The following TMEM132D variants were observed in gnomAD, a reference collection of about 807,000 sequenced individuals.
The protein encoded by TMEM132D is transmembrane protein 132D.
Under a neutral mutation model 62.3 loss-of-function variants are expected in TMEM132D, and 21 were observed. The ratio of observed to expected loss-of-function variants is 0.34; its 90% CI spans 0.24 to 0.49. The LOEUF (loss-of-function observed/expected upper bound fraction) is 0.49. Among genes scored for constraint, TMEM132D ranks in the 20% least tolerant of loss-of-function variants. TMEM132D has a pLI of 0.99. For missense variants in TMEM132D, 1,346 were observed against 1,402.8 expected (o/e 0.96, Z 0.65); for synonymous variants, 621 against 575.6 (o/e 1.08, Z -1.13).
intron 4 of TMEM132D, among the ~76,000 whole-genome samples, chr12:129,267,702 C>CA (rs201463947): frequency 2.0e-5 from 3 of 151,800 alleles, no homozygotes; most frequent in Admixed American, 6.6e-5. Context: ...CATATGGAAC[C>CA]AAAAAAAGAG....
intron 4 of TMEM132D, among the ~76,000 whole-genome samples, chr12:129,325,770 A>G (rs1169726814): frequency 6.6e-6 from 1 of 152,208 alleles, no homozygotes; most frequent in African/African-American, 2.4e-5. Context: ...GGAACCTGAG[A>G]ATTAGTCACA....
intron 2 of TMEM132D, among the ~76,000 whole-genome samples, chr12:129,667,154 TCTG>T (rs1183312461): frequency 6.6e-6 from 1 of 152,206 alleles, no homozygotes; most frequent in Admixed American, 6.5e-5. Context: ...AGAAAACTGA[TCTG>T]CTGTTTGATG....
In TMEM132D at chr12:129,136,981, A is replaced by G. The variant is rs569021133; in HGVS notation, c.1444-52279T>C. 2.0e-3 allele frequency among the ~76,000 whole-genome samples: 294 copies of G among 149,764 alleles called. 2 individuals are homozygous for G. Among genetic ancestry groups the G allele is most frequent in the African/African-American group, 6.9e-3 (281 of 40,740 alleles). On this transcript the variant is annotated intron_variant, in intron 5 of 8. Transcript: ENST00000422113. ...CATCATTATCATCATCACCATCAACAGCATCATCAGCATCATCAGCATCAC... is the reference window on the plus strand; with the variant it reads ...CATCATTATCATCATCACCATCAACGGCATCATCAGCATCATCAGCATCAC...
chr12:129,092,300 T>C (rs78698979), intron 5 of TMEM132D, among the ~76,000 whole-genome samples: 109 of 111,870 alleles, frequency 9.7e-4, no homozygotes, highest in African/African-American at 3.6e-3. Context: ...ATTTCTCTCT[T>C]TCCTTTTTTT....
At chr12:129,251,808 G>A (rs11060219) in intron 4 of TMEM132D, among the ~76,000 whole-genome samples, 12,242 of 152,192 alleles carry the variant, frequency 0.08, 664 homozygotes, top group Non-Finnish European at 0.11. Context: ...GAGCAAGTGA[G>A]TCTACTCCAT....
chr12:129,387,639 G>A (rs1566053061), intron 3 of TMEM132D, among the ~76,000 whole-genome samples: 1 of 151,232 alleles, frequency 6.6e-6, no homozygotes, highest in Non-Finnish European at 1.5e-5. Context: ...TAATACTAAC[G>A]TTAATGCTAA....
At chr12:129,214,335 T>G (rs1879143328) in intron 4 of TMEM132D, among the ~76,000 whole-genome samples, 1 of 152,222 alleles carries the variant, frequency 6.6e-6, no homozygotes, top group African/African-American at 2.4e-5. Flanking sequence ...GCTTCAAGTA[T>G]CAGCATAGTC....
chr12:129,903,853 T>C lies in TMEM132D; in HGVS notation c.-514A>G, dbSNP rs1268087205. Among the ~76,000 whole-genome samples the C allele has an allele frequency of 1.2e-4, 17 of 146,096 alleles. No individual in the cohort carries two copies. Among genetic ancestry groups the C allele is most frequent in the African/African-American group, 3.9e-4 (16 of 40,698 alleles). On this transcript the variant is annotated 5_prime_UTR_variant, in exon 1 of 9. Transcript: ENST00000422113. The surrounding 1 kb of genome is among the most constrained non-coding windows in gnomAD (Gnocchi z 6.2). ...CCGGGCTCGCTGGGCGGCCCGGGGC[T>C]CCCTGGCCCGCAGCCCCCATCCCAG...
chr12:129,774,446 C>T lies in TMEM132D; in HGVS notation c.80-73748G>A, dbSNP rs529955327. Among the ~76,000 whole-genome samples the T allele has an allele frequency of 7.2e-5, 11 of 152,278 alleles. No individual in the cohort carries two copies. The South Asian group carries it at 2.1e-3, about 29-fold the overall frequency. On this transcript the variant is annotated intron_variant, in intron 1 of 8. Coordinates refer to ENST00000422113, the MANE Select transcript of TMEM132D (RefSeq NM_133448.3). ...CAGGAAGGGATTTTCATGGCTGCTG[C>T]CTAGATCGGGTGTAACCTGAAGGTA...
chr12:129,280,513 C>A (rs1473892082), intron 4 of TMEM132D, among the ~76,000 whole-genome samples: 3 of 152,150 alleles, frequency 2.0e-5, no homozygotes, highest in Admixed American at 2.0e-4. Flanking sequence ...CCTTATACAA[C>A]AGACTTTTCC....
intron 5 of TMEM132D, among the ~76,000 whole-genome samples, chr12:129,144,900 CTCTATCTA>C (rs35319395): frequency 7.3e-5 from 11 of 150,848 alleles, no homozygotes; most frequent in East Asian, 5.8e-4. Context: ...ATCTATCCTG[CTCTATCTA>C]TCTATCTATC....
At chr12:129,327,943 G>A (rs981426590) in intron 4 of TMEM132D, among the ~76,000 whole-genome samples, 3 of 152,140 alleles carry the variant, frequency 2.0e-5, no homozygotes, top group Admixed American at 2.0e-4. Context: ...TCATCTCCTT[G>A]TACCATTTCC....
Position 129,896,303 on chromosome 12 carries a change from C to T in TMEM132D, c.79+6958G>A, listed in dbSNP as rs183747484. On this transcript the variant is annotated intron_variant, in intron 1 of 8. Coordinates refer to ENST00000422113, the MANE Select transcript of TMEM132D (RefSeq NM_133448.3). ...ATGCTTGGCCTTGACTTTCCTGTCT[C>T]GTGCCTTCTGCTGTTCCAAGAGGCA... is the stretch of plus-strand genomic sequence containing the variant. Among the ~76,000 whole-genome samples, 14 of 152,178 alleles carry T rather than the reference C, an allele frequency of 9.2e-5. No homozygotes were observed. In the East Asian group the frequency reaches 2.3e-3, roughly 25 times the overall value.
intron 4 of TMEM132D, among the ~76,000 whole-genome samples, chr12:129,230,310 G>A (rs190718440): frequency 1.1e-4 from 17 of 149,676 alleles, no homozygotes; most frequent in African/African-American, 2.5e-4. Context: ...GTGTTGGAGG[G>A]GGGGGGCTCC....
intron 1 of TMEM132D, among the ~76,000 whole-genome samples, chr12:129,894,526 C>T (rs948391307): frequency 7.2e-5 from 11 of 152,326 alleles, no homozygotes; most frequent in African/African-American, 2.6e-4. Flanking sequence ...ATCAGCACAA[C>T]TCTGGACTCC....
intron 3 of TMEM132D, among the ~76,000 whole-genome samples, chr12:129,508,059 T>C (rs1050117846): frequency 6.6e-6 from 1 of 152,210 alleles, no homozygotes; most frequent in African/African-American, 2.4e-5. Context: ...ATCCTATCTT[T>C]AGGAAGATGG....
intron 3 of TMEM132D, among the ~76,000 whole-genome samples, chr12:129,418,178 A>G (rs972598842): frequency 1.3e-5 from 2 of 152,250 alleles, no homozygotes; most frequent in African/African-American, 2.4e-5. Flanking sequence ...CTAGAACCAG[A>G]GATACCATTT....
At chr12:129,775,365 G>A (rs1481911663) in intron 1 of TMEM132D, among the ~76,000 whole-genome samples, 1 of 152,178 alleles carries the variant, frequency 6.6e-6, no homozygotes, top group Non-Finnish European at 1.5e-5. Context: ...ACCTTGCCCA[G>A]TCTCCTACCA....
intron 3 of TMEM132D, among the ~76,000 whole-genome samples, chr12:129,496,004 G>A (rs1874943002): frequency 6.6e-6 from 1 of 152,168 alleles, no homozygotes; most frequent in Non-Finnish European, 1.5e-5. Flanking sequence ...AATTCAATAT[G>A]AACACAAAGA....
Sources: allele counts gnomAD v4.1 joint callset (sites outside exome capture counted in the v4.1 genomes callset), GRCh38; gene constraint gnomAD v4.1.1; non-coding constraint Gnocchi (gnomAD v3.1); transcripts MANE v1.5; gene names NCBI Gene and HGNC (gene_info 2026-07-23, HGNC 2026-07-21).